The following ADAMTS3 variants were observed in gnomAD, a reference collection of about 807,000 sequenced individuals.
ADAMTS3 encodes the protein ADAM metallopeptidase with thrombospondin type 1 motif 3.
In ADAMTS3, 73 loss-of-function variants were observed where a neutral mutation model predicts 129.0. The observed-to-expected ratio is 0.57, with a 90% CI of 0.47 to 0.69. The LOEUF (loss-of-function observed/expected upper bound fraction) is 0.69. ADAMTS3 is among the 30% of genes least tolerant of loss of function. The pLI is 0.00. For missense variants in ADAMTS3, 1,457 were observed against 1,514.5 expected (o/e 0.96, Z 0.63); for synonymous variants, 477 against 510.8 (o/e 0.93, Z 0.89).
chr4:72,327,984 A>G (rs1719742175), intron 5 of ADAMTS3, among the ~76,000 whole-genome samples: 1 of 152,256 alleles, frequency 6.6e-6, no homozygotes, highest in Non-Finnish European at 1.5e-5. Flanking sequence ...GAAAAGAAAT[A>G]AAGGGTGAAA....
At chr4:72,508,069 G>C (rs1044867513) in intron 3 of ADAMTS3, among the ~76,000 whole-genome samples, 1 of 152,080 alleles carries the variant, frequency 6.6e-6, no homozygotes, top group African/African-American at 2.4e-5. Context: ...AATATGCATA[G>C]TTACATGCAC....
chr4:72,479,380 A>C (rs1719354990), intron 3 of ADAMTS3, among the ~76,000 whole-genome samples: 1 of 152,218 alleles, frequency 6.6e-6, no homozygotes, highest in South Asian at 2.1e-4. Flanking sequence ...AGCCCTCAGA[A>C]ATAATGCCAC....
chr4:72,449,227 T>G (rs1222012571), intron 3 of ADAMTS3, among the ~76,000 whole-genome samples: 1 of 151,562 alleles, frequency 6.6e-6, no homozygotes, highest in Non-Finnish European at 1.5e-5. Context: ...CTGACTGTTT[T>G]TAACACCTAA....
intron 4 of ADAMTS3, among the ~76,000 whole-genome samples, chr4:72,359,199 T>C (rs1720657825): frequency 2.0e-5 from 3 of 152,020 alleles, no homozygotes; most frequent in African/African-American, 7.2e-5. Flanking sequence ...AATTTTACAA[T>C]CAGACAAGTA....
At chr4:72,422,486 A>AT in intron 3 of ADAMTS3, among the ~76,000 whole-genome samples, 1 of 152,146 alleles carries the variant, frequency 6.6e-6, no homozygotes, top group African/African-American at 2.4e-5. Flanking sequence ...TGTTAAACAT[A>AT]TTTTATTTTG....
rs1393695015 is a variant in ADAMTS3 at position 72,478,540 on chromosome 4, T to C, written c.505-63569A>G. On this transcript the variant is annotated intron_variant, in intron 3 of 21. Transcript: ENST00000286657. The stretch of plus-strand genomic sequence containing the variant: ...ATAAATTAGGTATTGATGGGACATA[T>C]CTCAAAATAATAAGAGCTATCTATG... Among the ~76,000 whole-genome samples, 764 of 149,140 alleles carry C rather than the reference T, an allele frequency of 5.1e-3. 4 individuals carry two copies. Among genetic ancestry groups the C allele is most frequent in the African/African-American group, 0.018 (729 of 40,550 alleles).
chr4:72,331,998 CTA>C (rs911911967), intron 5 of ADAMTS3, among the ~76,000 whole-genome samples: 18 of 152,034 alleles, frequency 1.2e-4, no homozygotes, highest in South Asian at 4.1e-4. Context: ...TAGAAAGGTG[CTA>C]TGTTTTATTA....
At chr4:72,430,193 T>A (rs1722664256) in intron 3 of ADAMTS3, among the ~76,000 whole-genome samples, 1 of 152,042 alleles carries the variant, frequency 6.6e-6, no homozygotes. Flanking sequence ...GAGATAGAGT[T>A]TAATTTCCTT....
chr4:72,373,424 A>G (rs1363292824), intron 4 of ADAMTS3, among the ~76,000 whole-genome samples: 3 of 152,224 alleles, frequency 2.0e-5, no homozygotes. Flanking sequence ...ATTGTGGTAC[A>G]CTTATACAAT....
chr4:72,476,539 T>C (rs965292375), intron 3 of ADAMTS3, among the ~76,000 whole-genome samples: 1 of 151,970 alleles, frequency 6.6e-6, no homozygotes, highest in Non-Finnish European at 1.5e-5. Flanking sequence ...TACCAAATGG[T>C]TGAAGAAGAA....
intron 3 of ADAMTS3, among the ~76,000 whole-genome samples, chr4:72,533,025 T>C (rs1281271008): frequency 2.6e-5 from 4 of 152,148 alleles, no homozygotes. Flanking sequence ...ATATTTTTCT[T>C]TCTCCAATAA....
At chr4:72,409,329 T>G (rs1234800744) in intron 4 of ADAMTS3, among the ~76,000 whole-genome samples, 1 of 152,150 alleles carries the variant, frequency 6.6e-6, no homozygotes. Flanking sequence ...TGATACAGCT[T>G]TTTTCTGAGT....
intron 21 of ADAMTS3, 126 bp from the exon 22 acceptor site, chr4:72,283,830 C>T: frequency 2.8e-6 from 2 of 709,866 alleles, no homozygotes; most frequent in Non-Finnish European, 4.4e-6. Flanking sequence ...CGGGAGTGAT[C>T]CACACGAGCT....
At chr4:72,478,387 T>C (rs1459592731) in intron 3 of ADAMTS3, among the ~76,000 whole-genome samples, 49 of 147,596 alleles carry the variant, frequency 3.3e-4, no homozygotes, top group African/African-American at 1.2e-3. Context: ...GCTGGTTCAA[T>C]ATATGCAAAT....
chr4:72,300,425 A>G (rs887972519), intron 17 of ADAMTS3, among the ~76,000 whole-genome samples: 2 of 152,166 alleles, frequency 1.3e-5, no homozygotes, highest in African/African-American at 2.4e-5. Flanking sequence ...GCTAGAAAAG[A>G]ATACAATGTA....
At chr4:72,427,589 C>T (rs1241011049) in intron 3 of ADAMTS3, among the ~76,000 whole-genome samples, 2 of 151,652 alleles carry the variant, frequency 1.3e-5, no homozygotes, top group African/African-American at 4.8e-5. Flanking sequence ...GTAAAGAAAA[C>T]CAATCTGCAA....
chr4:72,461,032 A>T (rs933130017), intron 3 of ADAMTS3, among the ~76,000 whole-genome samples: 1 of 151,680 alleles, frequency 6.6e-6, no homozygotes, highest in African/African-American at 2.4e-5. Flanking sequence ...TTTAACAAAC[A>T]TAAACTGAGT....
intron 4 of ADAMTS3, among the ~76,000 whole-genome samples, chr4:72,398,767 A>T (rs1721793287): frequency 6.6e-6 from 1 of 152,182 alleles, no homozygotes; most frequent in Non-Finnish European, 1.5e-5. Flanking sequence ...TAAGTAAGCA[A>T]GTTCTACATC....
chr4:72,331,021 C>T (rs1719837553), intron 5 of ADAMTS3, among the ~76,000 whole-genome samples: 1 of 152,140 alleles, frequency 6.6e-6, no homozygotes, highest in Non-Finnish European at 1.5e-5. Context: ...ATATCTGTAA[C>T]TTAAGAAAGA....
Sources: gnomAD v4.1 joint callset for allele counts (sites outside exome capture counted in the v4.1 genomes callset) on GRCh38, gnomAD v4.1.1 for gene constraint, MANE v1.5 for transcripts, NCBI Gene and HGNC (gene_info 2026-07-23, HGNC 2026-07-21) for gene names.